CDH4: variants seen among roughly 807,000 people sequenced by gnomAD.
CDH4 encodes cadherin-4.
CDH4 carries 33 observed loss-of-function variants against 86.0 expected under a neutral mutation model. That is an observed-to-expected ratio of 0.38 (90% CI 0.29 to 0.51). The LOEUF is 0.51. Ranked by LOEUF, CDH4 falls within the 20% of genes least tolerant of loss-of-function variation. The pLI, the probability that CDH4 is intolerant of heterozygous loss-of-function variation, is 0.86. For missense variants in CDH4, 1,114 were observed against 1,307.4 expected, an observed-to-expected ratio of 0.85 and a Z score of 2.28; for synonymous variants, 555 against 549.4, an observed-to-expected ratio of 1.01 and a Z score of -0.14.
At chr20:61,776,092 G>C (rs559746423) in intron 4 of CDH4, among the ~76,000 whole-genome samples, 2 of 152,228 alleles carry the variant, frequency 1.3e-5, no homozygotes, top group South Asian at 4.1e-4. Flanking sequence ...CAGACCAGCA[G>C]AGGGCTCGGG....
At chr20:61,818,149 C>A (rs1170581131) in intron 4 of CDH4, among the ~76,000 whole-genome samples, 1 of 152,208 alleles carries the variant, frequency 6.6e-6, no homozygotes, top group African/African-American at 2.4e-5. Flanking sequence ...CCTGCCTCAG[C>A]CTCCCAAGTA....
chr20:61,359,907 T>C (rs1034415906), intron 2 of CDH4, among the ~76,000 whole-genome samples: 2 of 152,126 alleles, frequency 1.3e-5, no homozygotes, highest in Admixed American at 1.3e-4. Context: ...ATGAAACAAA[T>C]CTTCCTGGAA....
chr20:61,702,128 C>T (rs886838115), intron 2 of CDH4, among the ~76,000 whole-genome samples: 7 of 152,226 alleles, frequency 4.6e-5, no homozygotes, highest in Non-Finnish European at 8.8e-5. Context: ...GTCCCTTCAG[C>T]TCTGTTGAGT....
intron 6 of CDH4, among the ~76,000 whole-genome samples, chr20:61,873,013 C>A (rs916020519): frequency 5.3e-5 from 8 of 152,374 alleles, no homozygotes; most frequent in African/African-American, 1.9e-4. Flanking sequence ...AAGTGCCATT[C>A]TCAGAAAGTG....
chr20:61,839,527 TG>T (rs1982046728), intron 4 of CDH4, among the ~76,000 whole-genome samples: 2 of 115,524 alleles, frequency 1.7e-5, no homozygotes, highest in Non-Finnish European at 4.6e-5. Context: ...TGTGTATGTG[TG>T]TTTGTGTATG....
intron 4 of CDH4, among the ~76,000 whole-genome samples, chr20:61,787,648 A>G (rs572413169): frequency 6.6e-6 from 1 of 152,320 alleles, no homozygotes; most frequent in African/African-American, 2.4e-5. Context: ...GCCCTCATGG[A>G]GTTTATGATC....
intron 3 of CDH4, among the ~76,000 whole-genome samples, chr20:61,748,990 G>C (rs890951768): frequency 7.2e-5 from 11 of 152,200 alleles, no homozygotes; most frequent in Non-Finnish European, 7.4e-5. Context: ...GTTTGTAAAA[G>C]ATATACCTAA....
intron 4 of CDH4, among the ~76,000 whole-genome samples, chr20:61,797,851 C>T (rs1979616577): frequency 6.6e-6 from 1 of 152,180 alleles, no homozygotes; most frequent in South Asian, 2.1e-4. Context: ...CGGAGAAGCC[C>T]AGGCGGAGAG....
At chr20:61,261,932 C>T (rs1568771644) in intron 2 of CDH4, among the ~76,000 whole-genome samples, 2 of 152,218 alleles carry the variant, frequency 1.3e-5, no homozygotes, top group Non-Finnish European at 2.9e-5. Context: ...CCAGTGGGAG[C>T]TTTCAATTCT....
At chr20:61,921,989 T>C (rs1172145329) in intron 9 of CDH4, among the ~76,000 whole-genome samples, 1 of 152,226 alleles carries the variant, frequency 6.6e-6, no homozygotes, top group African/African-American at 2.4e-5. Context: ...GTTGCTTTTT[T>C]GCCCACCAGT....
At chr20:61,536,653 C>G (rs925749812) in intron 2 of CDH4, among the ~76,000 whole-genome samples, 1 of 152,170 alleles carries the variant, frequency 6.6e-6, no homozygotes, top group Non-Finnish European at 1.5e-5. Context: ...CTTTAATTAG[C>G]GTGTCTGACC....
intron 6 of CDH4, among the ~76,000 whole-genome samples, chr20:61,860,800 C>T (rs562911215): frequency 6.0e-4 from 91 of 152,236 alleles, no homozygotes; most frequent in South Asian, 1.9e-3. Flanking sequence ...GGCCCACAGG[C>T]TGTGTTTCCC....
intron 2 of CDH4, among the ~76,000 whole-genome samples, chr20:61,484,706 C>T (rs2085586495): frequency 1.3e-5 from 2 of 152,272 alleles, no homozygotes; most frequent in Non-Finnish European, 2.9e-5. Flanking sequence ...ATCCCTAAGA[C>T]CAGCCAGTGG....
At position 61,575,348 on chromosome 20, in the gene CDH4, A is replaced by G. The variant is rs190341019; in HGVS notation, c.170-168215A>G. On this transcript the variant is annotated intron_variant, in intron 2 of 15. Coordinates refer to ENST00000614565, the MANE Select transcript of CDH4 (RefSeq NM_001794.5). ...ATTGTTAACACTAATCCCAGGGTAT[A>G]TACTTACGGGTTACACACAGCTCCA... is the stretch of plus-strand genomic sequence containing the variant. Among the ~76,000 whole-genome samples the G allele has an allele frequency of 2.8e-3, 428 of 152,320 alleles. 2 individuals are homozygous for G. Among genetic ancestry groups the G allele is most frequent in the Admixed American group, 0.015 (230 of 15,304 alleles).
At chr20:61,468,965 G>A (rs1469521668) in intron 2 of CDH4, among the ~76,000 whole-genome samples, 1 of 152,168 alleles carries the variant, frequency 6.6e-6, no homozygotes, top group Non-Finnish European at 1.5e-5. Flanking sequence ...TCTGTTGATG[G>A]ACATTTAGGT....
intron 3 of CDH4, among the ~76,000 whole-genome samples, chr20:61,770,403 C>G (rs1304445434): frequency 2.0e-5 from 3 of 152,250 alleles, no homozygotes; most frequent in Non-Finnish European, 4.4e-5. Flanking sequence ...CACGTGAACT[C>G]TCATATCCTA....
intron 2 of CDH4, among the ~76,000 whole-genome samples, chr20:61,528,309 G>A (rs745739625): frequency 4.4e-4 from 66 of 149,108 alleles, no homozygotes; most frequent in African/African-American, 1.5e-3. Context: ...CCCAGGAGGC[G>A]GAGATTGCAG....
chr20:61,915,172 T>C (rs1471114364), intron 9 of CDH4, among the ~76,000 whole-genome samples: 1 of 152,250 alleles, frequency 6.6e-6, no homozygotes, highest in Non-Finnish European at 1.5e-5. Context: ...AAGCTGGGGC[T>C]GGAACCTGCT....
rs201707013 is a variant in CDH4, at chr20:61,614,240, G to T, written c.170-129323G>T. On this transcript the variant is annotated intron_variant, in intron 2 of 15. Coordinates refer to ENST00000614565, the MANE Select transcript of CDH4 (RefSeq NM_001794.5). ...GACCTAGAGATTATGGGAACTTTTTGCCCCACCCTCTGACCCCAGGAAGAG... is the reference window on the plus strand; with the variant it reads ...GACCTAGAGATTATGGGAACTTTTTTCCCCACCCTCTGACCCCAGGAAGAG... Among the ~76,000 whole-genome samples, 21 of 152,146 alleles carry T rather than the reference G, an allele frequency of 1.4e-4. No homozygotes were observed. In the East Asian group the frequency reaches 3.9e-3, roughly 28 times the overall value.
Sources: gnomAD v4.1 joint callset for allele counts (sites outside exome capture counted in the v4.1 genomes callset) on GRCh38, gnomAD v4.1.1 for gene constraint, MANE v1.5 for transcripts, NCBI Gene and HGNC (gene_info 2026-07-23, HGNC 2026-07-21) for gene names.